CDH18: variants seen among roughly 807,000 people sequenced by gnomAD.
CDH18 encodes cadherin-18.
A neutral mutation model predicts 67.9 loss-of-function variants in CDH18; 31 were observed. The observed-to-expected ratio is 0.46, with a 90% CI of 0.34 to 0.62. The LOEUF is 0.62. Among genes scored for constraint, CDH18 ranks in the 20% least tolerant of loss-of-function variants. CDH18 has a pLI of 0.01. For missense variants in CDH18, 890 were observed against 975.5 expected (o/e 0.91, Z 1.17); for synonymous variants, 362 against 347.2 (o/e 1.04, Z -0.48).
chr5:20,431,346 A>G (rs2150175625), intron 1 of CDH18, among the ~76,000 whole-genome samples: 1 of 152,060 alleles, frequency 6.6e-6, no homozygotes, highest in East Asian at 1.9e-4. Flanking sequence ...CAAAAACATT[A>G]CGTGGGTATG....
chr5:19,969,225 A>G (rs1797782783), intron 2 of CDH18, among the ~76,000 whole-genome samples: 2 of 146,802 alleles, frequency 1.4e-5, no homozygotes, highest in African/African-American at 5.4e-5. Context: ...GAGAAATAGG[A>G]ACACTTTTAC....
intron 1 of CDH18, among the ~76,000 whole-genome samples, chr5:20,546,748 T>TACACACACACACACACACAC (rs72287076): frequency 3.2e-4 from 45 of 141,498 alleles, no homozygotes; most frequent in African/African-American, 1.1e-3. Flanking sequence ...CATACATACA[T>TACACACACACACACACACAC]AGACACACAC....
At chr5:20,305,643 G>A (rs534518715) in intron 1 of CDH18, 3 of 436,534 alleles carry the variant, frequency 6.9e-6, no homozygotes, top group African/African-American at 2.1e-5. Context: ...CGCCATGTCC[G>A]GGGGGTGGGG....
intron 2 of CDH18, among the ~76,000 whole-genome samples, chr5:19,869,208 T>C (rs1341780010): frequency 6.6e-6 from 1 of 152,184 alleles, no homozygotes; most frequent in East Asian, 1.9e-4. Context: ...CTCAGCATTA[T>C]CATCCTATGT....
At chr5:20,410,322 G>A (rs915362279) in intron 1 of CDH18, among the ~76,000 whole-genome samples, 1 of 151,692 alleles carries the variant, frequency 6.6e-6, no homozygotes, top group Non-Finnish European at 1.5e-5. Context: ...ATGTAAAGAT[G>A]ATTTATAAAA....
chr5:20,001,813 A>T (rs1356126647), intron 2 of CDH18, among the ~76,000 whole-genome samples: 2 of 152,184 alleles, frequency 1.3e-5, no homozygotes, highest in Non-Finnish European at 2.9e-5. Flanking sequence ...ATCAGGTTTT[A>T]AATTCATTGT....
At chr5:20,568,153 T>C (rs1013641350) in intron 1 of CDH18, among the ~76,000 whole-genome samples, 2 of 152,158 alleles carry the variant, frequency 1.3e-5, no homozygotes, top group African/African-American at 4.8e-5. Flanking sequence ...GGCTGACAAA[T>C]GTTAAAAAGC....
chr5:20,452,522 T>C (rs2388425), intron 1 of CDH18, among the ~76,000 whole-genome samples: 143,642 of 152,120 alleles, frequency 0.94, 67,999 homozygotes, highest in South Asian at 0.99. Flanking sequence ...AACTAAATAC[T>C]GCACGTCCTG....
chr5:19,780,114 T>C (rs1774925488), intron 3 of CDH18, among the ~76,000 whole-genome samples: 1 of 152,092 alleles, frequency 6.6e-6, no homozygotes, highest in African/African-American at 2.4e-5. Context: ...ATCTGTTTAT[T>C]CCATATAGTG....
At chr5:20,232,323 T>C (rs969635111) in intron 2 of CDH18, among the ~76,000 whole-genome samples, 2 of 152,140 alleles carry the variant, frequency 1.3e-5, no homozygotes, top group Non-Finnish European at 2.9e-5. Context: ...CCTCAGGCAA[T>C]GGGTTCTTGA....
At chr5:20,077,433 C>T (rs555859254) in intron 2 of CDH18, among the ~76,000 whole-genome samples, 2 of 152,288 alleles carry the variant, frequency 1.3e-5, no homozygotes, top group East Asian at 1.9e-4. Flanking sequence ...GAATATACCC[C>T]TTCAGTGAAC....
At chr5:19,778,696 C>G (rs1302580822) in intron 3 of CDH18, among the ~76,000 whole-genome samples, 2 of 152,040 alleles carry the variant, frequency 1.3e-5, no homozygotes, top group Non-Finnish European at 2.9e-5. Flanking sequence ...AACTAATGAA[C>G]AATTTTGGAT....
At chr5:20,295,221 T>G (rs1037938547) in intron 1 of CDH18, among the ~76,000 whole-genome samples, 1 of 152,124 alleles carries the variant, frequency 6.6e-6, no homozygotes, top group Non-Finnish European at 1.5e-5. Flanking sequence ...GATTTTATAT[T>G]GTTTTGCATC....
At chr5:19,798,490 T>C (rs975453319) in intron 3 of CDH18, among the ~76,000 whole-genome samples, 1 of 152,018 alleles carries the variant, frequency 6.6e-6, no homozygotes, top group African/African-American at 2.4e-5. Flanking sequence ...ATTTTTATCT[T>C]TGAATTGGAC....
At chr5:20,184,686 G>A (rs941117416) in intron 2 of CDH18, among the ~76,000 whole-genome samples, 5 of 152,050 alleles carry the variant, frequency 3.3e-5, no homozygotes, top group African/African-American at 9.7e-5. Context: ...TTGGTCTATT[G>A]AAGATATTTT....
chr5:20,224,201 CT>C (rs1280415370), intron 2 of CDH18, among the ~76,000 whole-genome samples: 1 of 152,066 alleles, frequency 6.6e-6, no homozygotes, highest in Non-Finnish European at 1.5e-5. Context: ...TTGGCAGATA[CT>C]TTCCTCAGTC....
chr5:19,610,232 G>C (rs1450208688), intron 6 of CDH18, among the ~76,000 whole-genome samples: 2 of 151,992 alleles, frequency 1.3e-5, no homozygotes, highest in Admixed American at 6.6e-5. Context: ...GAATTCATTA[G>C]ACACAATGAG....
intron 1 of CDH18, among the ~76,000 whole-genome samples, chr5:20,380,072 A>G (rs35606542): frequency 0.44 from 67,263 of 151,968 alleles, 17,134 homozygotes; most frequent in Middle Eastern, 0.67. Context: ...CACAAAGTGG[A>G]TATCTTTGCA....
At chr5:19,832,769 A>G (rs1352322212) in intron 3 of CDH18, among the ~76,000 whole-genome samples, 1 of 152,054 alleles carries the variant, frequency 6.6e-6, no homozygotes. Flanking sequence ...TCCCAGCATC[A>G]TTTACTGTAT....
Sources: gnomAD v4.1 joint callset for allele counts (sites outside exome capture counted in the v4.1 genomes callset) on GRCh38, gnomAD v4.1.1 for gene constraint, MANE v1.5 for transcripts, NCBI Gene and HGNC (gene_info 2026-07-23, HGNC 2026-07-21) for gene names.